Variants in ZNF546 observed in about 807,000 individuals in gnomAD.
ZNF546 encodes the protein zinc finger protein 546.
ZNF546 carries 60 observed loss-of-function variants against 76.2 expected under a neutral mutation model. That is an observed-to-expected ratio of 0.79 (90% CI 0.64 to 0.98). The LOEUF (loss-of-function observed/expected upper bound fraction) is 0.98, where lower values mean the gene tolerates loss of function less well. Among genes scored for constraint, ZNF546 ranks in the 50% least tolerant of loss-of-function variants. The pLI, the probability that ZNF546 is intolerant of heterozygous loss-of-function variation, is 0.00. For missense variants in ZNF546, 936 were observed against 1,035.6 expected (o/e 0.90, Z 1.32); for synonymous variants, 277 against 328.1 (o/e 0.84, Z 1.68).
intron 3 of ZNF546, 149 bp from the exon 4 acceptor site, chr19:40,005,947 C>T (rs1469279583): frequency 1.4e-6 from 1 of 714,100 alleles, no homozygotes; most frequent in Non-Finnish European, 2.4e-6. Flanking sequence ...CCACCCCAGC[C>T]TTGATATTGA....
Position 40,015,650 on chromosome 19 carries a change from C to G in ZNF546, c.2380C>G (p.Arg794Gly). Reference protein sequence around the residue: ...KAFSVNSELTRHHRIHTGEKP... With the variant: ...KAFSVNSELTGHHRIHTGEKP... ...CTTCAGTGTTAATTCAGAACTTACT[C>G]GACATCACAGAATTCATACTGGTGA... is the stretch of plus-strand genomic sequence containing the variant. The change falls in exon 7 of 7, where the codon CGA (arginine) becomes GGA (glycine). Residue 794 changes from arginine to glycine, a missense_variant. By Grantham distance (125) the Arg-to-Gly change is moderately radical. Transcript: ENST00000347077. 1.2e-6 allele frequency: 2 copies of G among 1,614,034 alleles called. No individual in the cohort carries two copies. Among genetic ancestry groups the G allele is most frequent in the Non-Finnish European group, 1.7e-6 (2 of 1,180,004 alleles).
chr19:40,014,524 T>C lies in ZNF546; in HGVS notation c.1254T>C (p.Cys418=). The part of the protein sequence containing the change: ...TGEKPYECKE[C]GKSFSFHAEL... ...AAAAACCCTACGAATGTAAAGAATG[T>C]GGTAAGTCCTTTAGTTTTCATGCAG... is the stretch of plus-strand genomic sequence containing the variant. The change falls in exon 7 of 7, where the codon TGT becomes TGC. Residue 418 remains cysteine (C), a synonymous_variant. Coordinates refer to ENST00000347077, the MANE Select transcript of ZNF546 (RefSeq NM_178544.5). 6.2e-7 allele frequency: 1 copy of C among 1,614,112 alleles called. No individual in the cohort carries two copies. The highest frequency in any genetic ancestry group is 8.5e-7 in the Non-Finnish European group (1 of 1,180,026).
At position 40,014,967 on chromosome 19, in the gene ZNF546, A is replaced by G. The variant is rs777073619; in HGVS notation, c.1697A>G (p.Asn566Ser). ...KECGKAFIHS[N>S]QFISHQRIHT... ...TGTGGGAAGGCTTTTATTCATAGCA[A>G]TCAATTTATTTCACACCAGCGAATT... is the stretch of plus-strand genomic sequence containing the variant. The change falls in exon 7 of 7, where the codon AAT becomes AGT. Residue 566 changes from asparagine to serine, a missense_variant. Asn to Ser is a conservative substitution (Grantham distance 46). Transcript: ENST00000347077. The G allele has an allele frequency of 7.4e-6, 12 of 1,613,288 alleles. No individual in the cohort carries two copies. The highest frequency in any genetic ancestry group is 1.1e-5 in the South Asian group (1 of 91,032).
chr19:40,006,042 T>C, intron 3 of ZNF546, 54 bp from the exon 4 acceptor site: 1 of 1,452,528 alleles, frequency 6.9e-7, no homozygotes, highest in Non-Finnish European at 9.7e-7. Flanking sequence ...ACTTAAGTCA[T>C]TTTAGGAGTT....
At position 40,007,410 on chromosome 19, in the gene ZNF546, C is replaced by A. The variant is rs1213702422; in HGVS notation, c.298+10C>A. On this transcript the variant is annotated intron_variant, in intron 5 of 6. Transcript: ENST00000347077. ...AACCTGGTCTCACTGGGTAAGGTATCTTTCGAAATCGTTTACAATCTGTTT... is the reference window on the plus strand; with the variant it reads ...AACCTGGTCTCACTGGGTAAGGTATATTTCGAAATCGTTTACAATCTGTTT... 6.3e-7 allele frequency: 1 copy of A among 1,575,000 alleles called. No homozygotes were observed. The highest frequency in any genetic ancestry group is 1.4e-5 in the African/African-American group (1 of 73,158).
rs1326079721 is a variant in ZNF546 at position 40,015,016 on chromosome 19, A to G, written c.1746A>G (p.Ile582Met). 1 of 1,613,990 alleles carries G rather than the reference A, an allele frequency of 6.2e-7. No homozygotes were observed. The highest frequency in any genetic ancestry group is 8.5e-7 in the Non-Finnish European group (1 of 1,179,966). ...TTCACACCAGTGAGAGCACCTACAT[A>G]TGTAAAGAATGTGGGAAGATTTTTA... Reference protein sequence around the residue: ...QRIHTSESTYICKECGKIFSR... With the variant: ...QRIHTSESTYMCKECGKIFSR... Residue 582 changes from isoleucine to methionine, a missense_variant, in exon 7 of 7, where the codon ATA (isoleucine) becomes ATG (methionine). Ile to Met is a conservative substitution (Grantham distance 10). Coordinates refer to ENST00000347077, the MANE Select transcript of ZNF546 (RefSeq NM_178544.5).
At chr19:39,998,524 T>A in intron 3 of ZNF546, 114 bp downstream of exon 3, 1 of 901,112 alleles carries the variant, frequency 1.1e-6, no homozygotes, top group Non-Finnish European at 1.7e-6. Flanking sequence ...ACCTCAGTTT[T>A]AAAATATGAC....
Position 40,014,880 on chromosome 19 carries a change from A to C in ZNF546, c.1610A>C (p.Gln537Pro). Residue 537 changes from glutamine (Q) to proline (P), a missense_variant, in exon 7 of 7, where the codon CAA becomes CCA. Physicochemically the swap from Gln to Pro is moderately conservative, Grantham distance 76 (BLOSUM62 -1). Coordinates refer to ENST00000347077, the MANE Select transcript of ZNF546 (RefSeq NM_178544.5). Reference sequence around the variant, plus strand: ...GAATGTGGAAAAGCCTTTCGTCTTCAAGGAGAACTTACCCGACATCACAGA... The same window carrying C: ...GAATGTGGAAAAGCCTTTCGTCTTCCAGGAGAACTTACCCGACATCACAGA... ...CNECGKAFRLQGELTRHHRIH... is the reference protein window; with the variant it reads ...CNECGKAFRLPGELTRHHRIH... 6.2e-7 allele frequency: 1 copy of C among 1,613,854 alleles called. No homozygotes were observed. Among genetic ancestry groups the C allele is most frequent in the Non-Finnish European group, 8.5e-7 (1 of 1,179,884 alleles).
chr19:40,008,451 T>C lies in ZNF546; in HGVS notation c.299-19T>C. The C allele has an allele frequency of 6.5e-7, 1 of 1,540,304 alleles. No homozygotes were observed. Among genetic ancestry groups the C allele is most frequent in the Non-Finnish European group, 8.8e-7 (1 of 1,131,900 alleles). On this transcript the variant is annotated intron_variant, in intron 5 of 6. Transcript: ENST00000347077. ...TTGTTTTTTTCTATAACATGTGTCA[T>C]TTCTTTTCTCATGAGCAGGATATAC...
chr19:40,011,301 C>G (rs545628469), intron 6 of ZNF546: 2 of 151,996 alleles, frequency 1.3e-5, no homozygotes, highest in South Asian at 4.1e-4. Context: ...TCTCGGCTCA[C>G]TGCAACCTCC....
rs369531485 is a variant in ZNF546 at position 40,008,438 on chromosome 19, A to G, written c.299-32A>G. On this transcript the variant is annotated intron_variant, in intron 5 of 6. Coordinates refer to ENST00000347077, the MANE Select transcript of ZNF546 (RefSeq NM_178544.5). ...GTTATGGTTGTTTTTGTTTTTTTCT[A>G]TAACATGTGTCATTTCTTTTCTCAT... 4.6e-6 allele frequency: 7 copies of G among 1,505,804 alleles called. No homozygotes were observed. In the African/African-American group the frequency reaches 5.6e-5, roughly 12 times the overall value. 93.3% of individuals were successfully genotyped at this position (1,505,804 alleles called of 1,614,324 possible). A position where few individuals can be genotyped will look rare whatever the true frequency, so the allele number is the denominator to read the frequency against.
chr19:40,000,971 A>G (rs1971521714), intron 3 of ZNF546, among the ~76,000 whole-genome samples: 1 of 152,096 alleles, frequency 6.6e-6, no homozygotes, highest in Admixed American at 6.6e-5. Flanking sequence ...TTTTCCTGCA[A>G]CTAGATGGTC....
rs761094261 is a variant in ZNF546 at position 40,015,773 on chromosome 19, A to T, written c.2503A>T (p.Ile835Leu). 6.2e-6 allele frequency: 10 copies of T among 1,612,578 alleles called. No homozygotes were observed. In the South Asian group the frequency reaches 9.9e-5, roughly 16 times the overall value. Residue 835 changes from isoleucine to leucine, a missense_variant, in exon 7 of 7, where the codon ATA becomes TTA. Transcript: ENST00000347077. The part of the protein sequence containing the change: ...RNHISEEVLC[I>L]M ...TCATATTAGTGAGGAAGTCCTATGC[A>T]TAATGTAAAGAGAATACGATGGCCT...
At position 40,015,680 on chromosome 19, in the gene ZNF546, C is replaced by T; in HGVS notation, c.2410C>T (p.Pro804Ser). The T allele has an allele frequency of 6.2e-7, 1 of 1,614,134 alleles. No individual in the cohort carries two copies. Among genetic ancestry groups the T allele is most frequent in the Non-Finnish European group, 8.5e-7 (1 of 1,180,004 alleles). Residue 804 changes from proline (P) to serine (S), a missense_variant, in exon 7 of 7, where the codon CCC (proline) becomes TCC (serine). By Grantham distance (74) the Pro-to-Ser change is moderately conservative. Transcript: ENST00000347077. ...RHHRIHTGEK[P>S]YQCKECGKAF... Reference sequence around the variant, plus strand: ...TCACAGAATTCATACTGGTGAAAAACCCTATCAATGTAAAGAATGTGGAAA... The same window carrying T: ...TCACAGAATTCATACTGGTGAAAAATCCTATCAATGTAAAGAATGTGGAAA...
At chr19:40,012,479 G>T (rs549498875) in intron 6 of ZNF546, among the ~76,000 whole-genome samples, 1 of 152,230 alleles carries the variant, frequency 6.6e-6, no homozygotes, top group East Asian at 1.9e-4. Flanking sequence ...CCCTCTCAGT[G>T]ACTTGTTTGT....
chr19:39,998,251 A>C lies in ZNF546; in HGVS notation c.-76A>C. 2 of 1,176,628 alleles carry C rather than the reference A, an allele frequency of 1.7e-6. No homozygotes were observed. The highest frequency in any genetic ancestry group is 2.5e-6 in the Non-Finnish European group (2 of 798,804). 72.9% of individuals were successfully genotyped at this position (1,176,628 alleles called of 1,614,324 possible). On this transcript the variant is annotated 5_prime_UTR_variant, in exon 3 of 7. The change abolishes an upstream ATG in the 5' untranslated region. Coordinates refer to ENST00000347077, the MANE Select transcript of ZNF546 (RefSeq NM_178544.5). ...CATAAAATGTTTTTGTTTTTAGGAA[A>C]TGGAAACATTGCTTTGCTTTTCCTG...
At chr19:40,011,089 T>G (rs573417388) in intron 6 of ZNF546, among the ~76,000 whole-genome samples, 3 of 152,246 alleles carry the variant, frequency 2.0e-5, no homozygotes, top group African/African-American at 7.2e-5. Flanking sequence ...TGTAAACTCT[T>G]AACAGTGTCT....
chr19:40,007,698 T>C (rs970214976), intron 5 of ZNF546, among the ~76,000 whole-genome samples: 5 of 152,200 alleles, frequency 3.3e-5, no homozygotes, highest in African/African-American at 1.2e-4. Context: ...AGAATTCCTA[T>C]AGCTGTTCTG....
In ZNF546 at chr19:40,016,081, C is replaced by G. The variant is rs190805948; in HGVS notation, c.*300C>G. Reference sequence around the variant, plus strand: ...AATGGGCCAGGTGAAGTGGCTCACACCTGTAATCCCAGCACTGTGGAAAGA... The same window carrying G: ...AATGGGCCAGGTGAAGTGGCTCACAGCTGTAATCCCAGCACTGTGGAAAGA... On this transcript the variant is annotated 3_prime_UTR_variant, in exon 7 of 7. Transcript: ENST00000347077. The G allele has an allele frequency of 2.7e-6, 1 of 374,878 alleles. No homozygotes were observed. The highest frequency in any genetic ancestry group is 4.1e-5 in the Admixed American group (1 of 24,252). The allele number at this position is 374,878 out of a possible 1,614,324, so 23.2% of individuals were successfully genotyped here.
Sources: allele counts gnomAD v4.1 joint callset (sites outside exome capture counted in the v4.1 genomes callset), GRCh38; gene constraint gnomAD v4.1.1; transcripts MANE v1.5; gene names NCBI Gene and HGNC (gene_info 2026-07-23, HGNC 2026-07-21).